CWC27: variants seen among roughly 807,000 people sequenced by gnomAD.
CWC27 encodes the protein CWC27 spliceosome associated cyclophilin, also known as spliceosome-associated protein CWC27 homolog.
Under a neutral mutation model 63.6 loss-of-function variants are expected in CWC27, and 47 were observed. The observed-to-expected ratio is 0.74, with a 90% confidence interval of 0.58 to 0.94. The LOEUF (loss-of-function observed/expected upper bound fraction) is 0.94. CWC27 is among the 40% of genes least tolerant of loss of function. The pLI, the probability that CWC27 is intolerant of heterozygous loss-of-function variation, is 0.00. For missense variants in CWC27, 495 were observed against 554.3 expected, an observed-to-expected ratio of 0.89 and a Z score of 1.07; for synonymous variants, 175 against 179.8, an observed-to-expected ratio of 0.97 and a Z score of 0.22.
At chr5:64,811,954 A>G (rs1744890042) in intron 10 of CWC27, among the ~76,000 whole-genome samples, 2 of 152,036 alleles carry the variant, frequency 1.3e-5, no homozygotes. Flanking sequence ...GAAATATATG[A>G]TTAGGAATTC....
At chr5:64,958,583 C>G (rs1293829533) in intron 11 of CWC27, among the ~76,000 whole-genome samples, 1 of 152,094 alleles carries the variant, frequency 6.6e-6, no homozygotes, top group Non-Finnish European at 1.5e-5. Flanking sequence ...CTACCCTTCT[C>G]TAATGGAAAA....
chr5:65,018,091 T>C (rs1023397553), intron 13 of CWC27, 68 bp from the exon 14 acceptor site: 2 of 1,327,884 alleles, frequency 1.5e-6, no homozygotes, highest in African/African-American at 1.5e-5. Context: ...TCGATGATAG[T>C]AGAGTATAGA....
chr5:64,885,487 T>A lies in CWC27; in HGVS notation c.983T>A (p.Leu328Ter). 1 of 1,609,910 alleles carries A rather than the reference T, an allele frequency of 6.2e-7. No individual in the cohort carries two copies. Among genetic ancestry groups the A allele is most frequent in the Non-Finnish European group, 8.5e-7 (1 of 1,178,236 alleles). The change falls in exon 11 of 14, where the codon TTA becomes TAA. Residue 328 changes from leucine to a stop codon, truncating the protein, a stop_gained. Transcript: ENST00000381070. LOFTEE classifies it high-confidence loss of function. ...KEARQLKREL[L>*]AAKQKKVENA... ...GCAAGACAATTAAAACGGGAACTCT[T>A]AGCAGCAAAACAAAAAAAAGTAGAA...
At chr5:64,996,246 C>A (rs984485412) in intron 13 of CWC27, among the ~76,000 whole-genome samples, 2 of 151,906 alleles carry the variant, frequency 1.3e-5, no homozygotes, top group African/African-American at 4.8e-5. Flanking sequence ...TCTAGGATAC[C>A]CACATATAAA....
intron 7 of CWC27, among the ~76,000 whole-genome samples, chr5:64,795,418 AGT>A (rs1326755681): frequency 3.3e-5 from 5 of 152,174 alleles, no homozygotes; most frequent in African/African-American, 1.2e-4. Context: ...AAACAAATTT[AGT>A]GTCTTATATT....
intron 13 of CWC27, among the ~76,000 whole-genome samples, chr5:64,995,493 T>G (rs769812448): frequency 3.9e-5 from 6 of 152,216 alleles, no homozygotes; most frequent in Non-Finnish European, 7.3e-5. Flanking sequence ...AGTATTTTCA[T>G]GCTTTTTATT....
intron 11 of CWC27, among the ~76,000 whole-genome samples, chr5:64,900,507 T>C (rs568985847): frequency 4.5e-4 from 68 of 152,296 alleles, no homozygotes; most frequent in African/African-American, 1.6e-3. Flanking sequence ...AAACGGTGGC[T>C]TATATTTTTT....
intron 10 of CWC27, among the ~76,000 whole-genome samples, chr5:64,872,582 A>G (rs1158288928): frequency 6.6e-6 from 1 of 152,168 alleles, no homozygotes; most frequent in East Asian, 1.9e-4. Flanking sequence ...ACCATGTACT[A>G]TATTTAAATC....
At position 64,970,287 on chromosome 5, in the gene CWC27, AC is replaced by A. The variant is rs1318429837; in HGVS notation, c.1043-1415del. Among the ~76,000 whole-genome samples the A allele has an allele frequency of 2.7e-5, 4 of 146,974 alleles. No homozygotes were observed. In the Admixed American group the frequency reaches 2.8e-4, roughly 10 times the overall value. On this transcript the variant is annotated intron_variant, in intron 11 of 13. Transcript: ENST00000381070. ...GAGTGCAGTGGCGCGATCTCGGCTC[AC>A]TGCAAGCTCCGCCTCCCGGGTTCAC...
Position 64,889,577 on chromosome 5 carries a change from A to G in CWC27, c.1042+4031A>G, listed in dbSNP as rs770255821. Among the ~76,000 whole-genome samples the G allele has an allele frequency of 5.9e-5, 9 of 152,226 alleles. No homozygotes were observed. In the East Asian group the frequency reaches 1.5e-3, roughly 26 times the overall value. ...AGTTAACAGAAAAATACTTACTAAT[A>G]TAATTCTCTTTCTAATTATGGCATA... On this transcript the variant is annotated intron_variant, in intron 11 of 13. Coordinates refer to ENST00000381070, the MANE Select transcript of CWC27 (RefSeq NM_005869.4).
intron 10 of CWC27, among the ~76,000 whole-genome samples, chr5:64,874,439 C>G (rs570158873): frequency 6.6e-6 from 1 of 151,956 alleles, no homozygotes; most frequent in African/African-American, 2.4e-5. Context: ...GCTGGGATTA[C>G]AGGCATGAGC....
At chr5:64,779,024 A>G (rs557950001) in intron 2 of CWC27, among the ~76,000 whole-genome samples, 2 of 152,352 alleles carry the variant, frequency 1.3e-5, no homozygotes, top group Admixed American at 1.3e-4. Context: ...TCTCCAAGAC[A>G]CTAAAATAGG....
chr5:64,788,590 C>A (rs1362051764), intron 6 of CWC27, among the ~76,000 whole-genome samples: 1 of 151,702 alleles, frequency 6.6e-6, no homozygotes, highest in Non-Finnish European at 1.5e-5. Context: ...GGGATATATA[C>A]TTATTATTTT....
At chr5:65,004,905 T>TATACATAC (rs1554030581) in intron 13 of CWC27, among the ~76,000 whole-genome samples, 1 of 63,546 alleles carries the variant, frequency 1.6e-5, no homozygotes, top group Non-Finnish European at 3.1e-5. Flanking sequence ...TATATATATA[T>TATACATAC]ACATACACAC....
chr5:64,790,020 C>T (rs113143174), intron 7 of CWC27, among the ~76,000 whole-genome samples: 8 of 152,184 alleles, frequency 5.3e-5, no homozygotes, highest in African/African-American at 9.6e-5. Context: ...TAATGTTGGA[C>T]GCCTAGTAAG....
chr5:64,992,454 A>G (rs766625344), intron 13 of CWC27, among the ~76,000 whole-genome samples: 31 of 152,160 alleles, frequency 2.0e-4, no homozygotes, highest in Non-Finnish European at 3.8e-4. Flanking sequence ...GAGGCCTTTG[A>G]TTCTAAATAA....
chr5:64,845,135 A>T (rs969929417), intron 10 of CWC27: 4 of 404,000 alleles, frequency 9.9e-6, no homozygotes, highest in Non-Finnish European at 2.0e-5. Flanking sequence ...GTAACATCAG[A>T]GGAAAGGCAT....
intron 10 of CWC27, among the ~76,000 whole-genome samples, chr5:64,808,763 A>G (rs1744775753): frequency 6.6e-6 from 1 of 152,196 alleles, no homozygotes; most frequent in Non-Finnish European, 1.5e-5. Flanking sequence ...AAAATATTTA[A>G]TTAATTATGT....
intron 10 of CWC27, among the ~76,000 whole-genome samples, chr5:64,841,779 G>T (rs950713787): frequency 6.6e-6 from 1 of 152,098 alleles, no homozygotes; most frequent in Non-Finnish European, 1.5e-5. Flanking sequence ...GGATTCAGGC[G>T]ATTCTCCTGC....
Sources: allele counts gnomAD v4.1 joint callset (sites outside exome capture counted in the v4.1 genomes callset), GRCh38; gene constraint gnomAD v4.1.1; transcripts MANE v1.5; gene names NCBI Gene and HGNC (gene_info 2026-07-23, HGNC 2026-07-21).